LARS1: variants seen among roughly 807,000 people sequenced by gnomAD.
LARS1 encodes the protein leucine--tRNA ligase, cytoplasmic.
In LARS1, 100 loss-of-function variants were observed where a neutral mutation model predicts 162.8. The observed-to-expected ratio is 0.61, with a 90% CI of 0.52 to 0.73. LARS1 has a LOEUF of 0.73. Ranked by LOEUF, LARS1 falls within the 30% of genes least tolerant of loss-of-function variation. The pLI is 0.00. For synonymous variants in LARS1, 457 were observed against 462.8 expected (o/e 0.99, Z 0.16); for missense variants, 1,258 against 1,408.9 (o/e 0.89, Z 1.71).
intron 30 of LARS1, among the ~76,000 whole-genome samples, chr5:146,120,714 A>C (rs1751784158): frequency 6.6e-6 from 1 of 152,138 alleles, no homozygotes; most frequent in Non-Finnish European, 1.5e-5. Context: ...TACATATATC[A>C]ACACCAATGA....
chr5:146,119,904 A>G (rs944571055), intron 31 of LARS1, among the ~76,000 whole-genome samples: 14 of 152,142 alleles, frequency 9.2e-5, no homozygotes, highest in African/African-American at 3.4e-4. Context: ...TAATAAGAAT[A>G]CCCTCTACAT....
At chr5:146,124,335 GT>G in intron 28 of LARS1, among the ~76,000 whole-genome samples, 1 of 151,674 alleles carries the variant, frequency 6.6e-6, no homozygotes, top group East Asian at 1.9e-4. Context: ...AAGGCACAAG[GT>G]TTTCAGATTT....
At chr5:146,129,139 A>C in intron 25 of LARS1, 21 bp from the exon 26 acceptor site, 1 of 1,476,642 alleles carries the variant, frequency 6.8e-7, no homozygotes, top group Non-Finnish European at 9.3e-7. Context: ...AAGAAAAACA[A>C]AAAAACCTTC....
intron 7 of LARS1, 41 bp downstream of exon 7, chr5:146,160,333 A>G (rs1331343879): frequency 2.6e-6 from 3 of 1,160,986 alleles, no homozygotes; most frequent in South Asian, 1.4e-5. Context: ...TCTGTGCCCA[A>G]CTGATTTTTG....
At position 146,144,337 on chromosome 5, in the gene LARS1, C is replaced by G. The variant is rs1355512294; in HGVS notation, c.1668G>C (p.Glu556Asp). 1 of 1,613,316 alleles carries G rather than the reference C, an allele frequency of 6.2e-7. No individual in the cohort carries two copies. Among genetic ancestry groups the G allele is most frequent in the Non-Finnish European group, 8.5e-7 (1 of 1,179,768 alleles). The change falls in exon 18 of 32, where the codon GAG becomes GAC. Residue 556 changes from glutamate to aspartate, a missense_variant. By Grantham distance (45) the Glu-to-Asp change is conservative. Transcript: ENST00000394434. ...AGGTGGCTTCAAAATTCCTCCTGGT[C>G]TCCTCACAGAATCTAGAAAAGAGCA... Reference protein sequence around the residue: ...CLKNLETFCEETRRNFEATLG... With the variant: ...CLKNLETFCEDTRRNFEATLG...
At chr5:146,177,486 AT>A (rs1309044027) in intron 2 of LARS1, 60 bp downstream of exon 2, 1,246 of 121,578 alleles carry the variant, frequency 0.01, 62 homozygotes, top group African/African-American at 0.043. Context: ...AAAAAAAAAT[AT>A]ATATATATAT....
intron 8 of LARS1, among the ~76,000 whole-genome samples, chr5:146,158,294 C>T (rs1174831977): frequency 6.6e-6 from 1 of 152,180 alleles, no homozygotes; most frequent in Non-Finnish European, 1.5e-5. Flanking sequence ...CAAAGGATTA[C>T]TGAAATCTAG....
chr5:146,133,200 A>G (rs1752362404), intron 22 of LARS1, 119 bp from the exon 23 acceptor site: 2 of 795,412 alleles, frequency 2.5e-6, no homozygotes, highest in Non-Finnish European at 3.9e-6. Context: ...AATGCTTTAA[A>G]GGACTGTCCT....
chr5:146,153,963 T>C lies in LARS1; in HGVS notation c.1083A>G (p.Ser361=). The C allele has an allele frequency of 1.2e-6, 2 of 1,607,132 alleles. No homozygotes were observed. Among genetic ancestry groups the C allele is most frequent in the Non-Finnish European group, 1.7e-6 (2 of 1,177,912 alleles). The change falls in exon 11 of 32, where the codon TCA becomes TCG. Residue 361 remains serine, a synonymous_variant. Transcript: ENST00000394434. ...ELMGEEILGA[S]LSAPLTSYKV... ...TGTATGATGTTAAAGGTGCAGAAAG[T>C]GATGCACCAAGAATTTCCTGCATAA...
At chr5:146,144,558 A>G (rs1254226131) in intron 16 of LARS1, 21 bp from the exon 17 acceptor site, 1 of 1,612,988 alleles carries the variant, frequency 6.2e-7, no homozygotes, top group Non-Finnish European at 8.5e-7. Context: ...ACAAATTGAT[A>G]TGTTTTTTTT....
At chr5:146,118,301 ATC>A (rs1161604097) in intron 31 of LARS1, among the ~76,000 whole-genome samples, 3 of 152,200 alleles carry the variant, frequency 2.0e-5, no homozygotes, top group Admixed American at 2.0e-4. Context: ...CACATGTGGA[ATC>A]TAAAAAAGTT....
intron 21 of LARS1, among the ~76,000 whole-genome samples, chr5:146,135,972 T>C (rs1275265636): frequency 6.6e-6 from 1 of 152,188 alleles, no homozygotes. Context: ...ACTATAACTC[T>C]AGAACACCAC....
At chr5:146,117,526 C>T (rs1487744308) in intron 31 of LARS1, among the ~76,000 whole-genome samples, 1 of 152,164 alleles carries the variant, frequency 6.6e-6, no homozygotes, top group Non-Finnish European at 1.5e-5. Context: ...ATGAGAATTG[C>T]TTGCATCTGG....
At chr5:146,145,394 T>C (rs1752967989) in intron 15 of LARS1, among the ~76,000 whole-genome samples, 1 of 151,630 alleles carries the variant, frequency 6.6e-6, no homozygotes, top group Admixed American at 6.6e-5. Flanking sequence ...TGGCAGCTTT[T>C]TATCCTTCTT....
intron 10 of LARS1, among the ~76,000 whole-genome samples, chr5:146,154,678 T>C (rs918626043): frequency 6.6e-6 from 1 of 151,922 alleles, no homozygotes; most frequent in South Asian, 2.1e-4. Flanking sequence ...TTTGGAAGGC[T>C]GAGGCGGGAG....
In LARS1 at chr5:146,135,705, T is replaced by C. The variant is rs2126446332; in HGVS notation, c.2149-41A>G. 2.8e-6 allele frequency: 4 copies of C among 1,439,432 alleles called. No homozygotes were observed. In the East Asian group the frequency reaches 9.5e-5, roughly 34 times the overall value. 89.2% of individuals were successfully genotyped at this position (1,439,432 alleles called of 1,614,324 possible). On this transcript the variant is annotated intron_variant, in intron 21 of 31. Coordinates refer to ENST00000394434, the MANE Select transcript of LARS1 (RefSeq NM_020117.11). Reference sequence around the variant, plus strand: ...AGTGATCAATCATTAATAACAGTAATATAAATAAACCAAATGAGCCAAATA... The same window carrying C: ...AGTGATCAATCATTAATAACAGTAACATAAATAAACCAAATGAGCCAAATA...
intron 28 of LARS1, among the ~76,000 whole-genome samples, chr5:146,124,395 G>A (rs759606104): frequency 7.0e-6 from 1 of 142,438 alleles, no homozygotes; most frequent in Non-Finnish European, 1.5e-5. Context: ...GACTTAACAT[G>A]CAAGCCCAAA....
At chr5:146,163,398 T>C (rs1178779344) in intron 6 of LARS1, among the ~76,000 whole-genome samples, 4 of 152,168 alleles carry the variant, frequency 2.6e-5, no homozygotes, top group Admixed American at 2.6e-4. Flanking sequence ...CAAGAACTTT[T>C]CTTTGGGCCA....
chr5:146,146,954 C>T (rs984311932), intron 15 of LARS1, among the ~76,000 whole-genome samples: 1 of 151,938 alleles, frequency 6.6e-6, no homozygotes, highest in African/African-American at 2.4e-5. Context: ...TCAAGTGATC[C>T]ACCGGTCTCA....
Sources: allele counts gnomAD v4.1 joint callset (sites outside exome capture counted in the v4.1 genomes callset), GRCh38; gene constraint gnomAD v4.1.1; transcripts MANE v1.5; gene names NCBI Gene and HGNC (gene_info 2026-07-23, HGNC 2026-07-21).